CSMD1: variants seen among roughly 807,000 people sequenced by gnomAD.
CSMD1 encodes the protein CUB and sushi domain-containing protein 1.
CSMD1 carries 213 observed loss-of-function variants against 417.5 expected under a neutral mutation model. The ratio of observed to expected loss-of-function variants is 0.51; its 90% confidence interval spans 0.46 to 0.57. The LOEUF (loss-of-function observed/expected upper bound fraction) is 0.57, where lower values mean the gene tolerates loss of function less well. Among genes scored for constraint, CSMD1 ranks in the 20% least tolerant of loss-of-function variants. The probability of loss-of-function intolerance (pLI) is 0.00; values close to 1 mark genes in which losing one functional copy is unlikely to be tolerated. For missense variants in CSMD1, 6,923 were observed against 4,529.7 expected (o/e 1.53, Z -15.17); for synonymous variants, 2,862 against 1,736.8 (o/e 1.65, Z -16.11).
Position 3,796,303 on chromosome 8 carries a change from G to A in CSMD1, c.819-42261C>T, listed in dbSNP as rs543071676. On this transcript the variant is annotated intron_variant, in intron 5 of 69. Coordinates refer to ENST00000635120, the MANE Select transcript of CSMD1 (RefSeq NM_033225.6). ...TATCATGTATAGATATATCTATCAT[G>A]TATAGATATAGATATCTATCATGTA... Among the ~76,000 whole-genome samples, 165 of 83,416 alleles carry A rather than the reference G, an allele frequency of 2.0e-3. 34 individuals are homozygous for A. Among genetic ancestry groups the A allele is most frequent in the African/African-American group, 2.6e-3 (51 of 19,590 alleles). The allele number at this position is 83,416 out of a possible 152,430, so 54.7% of individuals were successfully genotyped here.
chr8:3,556,207 G>C (rs1799133469), intron 10 of CSMD1, among the ~76,000 whole-genome samples: 2 of 151,472 alleles, frequency 1.3e-5, no homozygotes, highest in South Asian at 4.2e-4. Flanking sequence ...GAAGACTTTT[G>C]TTTGTTACAG....
chr8:3,500,844 G>C (rs148867982), intron 10 of CSMD1, among the ~76,000 whole-genome samples: 4 of 152,324 alleles, frequency 2.6e-5, no homozygotes, highest in Admixed American at 6.5e-5. Flanking sequence ...AGCGGAGTAA[G>C]TGGTTCTGCA....
At chr8:4,145,193 C>T (rs1311849290) in intron 3 of CSMD1, among the ~76,000 whole-genome samples, 10 of 150,998 alleles carry the variant, frequency 6.6e-5, no homozygotes, top group South Asian at 2.1e-4. Context: ...AACACTAGTA[C>T]GTGTTTATAT....
At chr8:3,167,026 C>A (rs1217301167) in intron 37 of CSMD1, among the ~76,000 whole-genome samples, 1 of 152,140 alleles carries the variant, frequency 6.6e-6, no homozygotes, top group Non-Finnish European at 1.5e-5. Context: ...GTGGCTCACG[C>A]CTGTCATCCC....
chr8:4,373,844 C>T (rs559410108), intron 3 of CSMD1, among the ~76,000 whole-genome samples: 3 of 152,242 alleles, frequency 2.0e-5, no homozygotes, highest in African/African-American at 7.2e-5. Context: ...AGGAGCTTTT[C>T]TATGTATATG....
chr8:4,419,494 C>T (rs1184804430), intron 3 of CSMD1, among the ~76,000 whole-genome samples: 2 of 152,038 alleles, frequency 1.3e-5, no homozygotes, highest in Non-Finnish European at 2.9e-5. Context: ...CATGATCAAA[C>T]AACAGTAAAA....
chr8:4,170,462 T>G (rs190958316), intron 3 of CSMD1, among the ~76,000 whole-genome samples: 9 of 152,046 alleles, frequency 5.9e-5, no homozygotes, highest in Admixed American at 5.9e-4. Context: ...TCCTAATCTA[T>G]AGGTGCCTCT....
intron 5 of CSMD1, among the ~76,000 whole-genome samples, chr8:3,945,556 C>G (rs760412879): frequency 3.9e-5 from 6 of 151,994 alleles, no homozygotes; most frequent in Non-Finnish European, 7.4e-5. Flanking sequence ...TTTTGAGAGA[C>G]AAGTTTAAAA....
At chr8:4,604,381 T>TTTTGTGTGTGTGTG (rs1554522664) in intron 2 of CSMD1, among the ~76,000 whole-genome samples, 1 of 91,554 alleles carries the variant, frequency 1.1e-5, no homozygotes, top group African/African-American at 3.2e-5. Flanking sequence ...ACAAATAGCA[T>TTTTGTGTGTGTGTG]TGTGTGTGTG....
At chr8:3,578,354 G>T (rs909700405) in intron 9 of CSMD1, among the ~76,000 whole-genome samples, 1 of 152,062 alleles carries the variant, frequency 6.6e-6, no homozygotes, top group Non-Finnish European at 1.5e-5. Flanking sequence ...TGTTAGGGAT[G>T]CCTGCTGTCC....
chr8:3,110,913 C>T (rs921482786), intron 42 of CSMD1, among the ~76,000 whole-genome samples: 2 of 152,158 alleles, frequency 1.3e-5, no homozygotes, highest in African/African-American at 4.8e-5. Context: ...AGAACTAAAA[C>T]AATACCCAAT....
intron 2 of CSMD1, among the ~76,000 whole-genome samples, chr8:4,551,211 C>A (rs2130564181): frequency 6.6e-6 from 1 of 152,252 alleles, no homozygotes; most frequent in African/African-American, 2.4e-5. Context: ...GCTCCACCAA[C>A]CCTCCTGTAA....
intron 10 of CSMD1, among the ~76,000 whole-genome samples, chr8:3,523,796 C>A (rs986523841): frequency 4.0e-5 from 6 of 151,470 alleles, no homozygotes; most frequent in Non-Finnish European, 5.9e-5. Context: ...GACATATGCA[C>A]ACATGTGCAC....
intron 2 of CSMD1, among the ~76,000 whole-genome samples, chr8:4,427,392 C>G (rs754832318): frequency 3.9e-5 from 6 of 152,058 alleles, no homozygotes; most frequent in African/African-American, 4.8e-5. Flanking sequence ...TTTATCAACC[C>G]CTAGGTACCT....
intron 41 of CSMD1, among the ~76,000 whole-genome samples, chr8:3,138,624 G>A (rs1007893084): frequency 1.3e-5 from 2 of 152,166 alleles, no homozygotes; most frequent in African/African-American, 4.8e-5. Flanking sequence ...CATAGAAACA[G>A]TTCCGAATGA....
intron 12 of CSMD1, among the ~76,000 whole-genome samples, chr8:3,441,194 C>A (rs557146312): frequency 1.3e-5 from 2 of 151,990 alleles, no homozygotes; most frequent in Non-Finnish European, 2.9e-5. Context: ...TTTCTCTCCC[C>A]GGGAGATCTG....
intron 49 of CSMD1, among the ~76,000 whole-genome samples, chr8:3,066,817 C>G (rs1176506683): frequency 6.6e-6 from 1 of 152,144 alleles, no homozygotes; most frequent in East Asian, 1.9e-4. Context: ...AAGCTCATTT[C>G]TCCACAATTC....
intron 49 of CSMD1, among the ~76,000 whole-genome samples, chr8:3,072,353 G>A (rs917133722): frequency 3.3e-5 from 5 of 152,154 alleles, no homozygotes; most frequent in African/African-American, 1.2e-4. Context: ...CAACAATGAA[G>A]ATTTTAACAA....
intron 1 of CSMD1, among the ~76,000 whole-genome samples, chr8:4,938,991 T>G (rs60279821): frequency 0.06 from 9,130 of 152,082 alleles, 709 homozygotes; most frequent in African/African-American, 0.17. Context: ...ATCAGGTTAT[T>G]TGTTTTCTTT....
Sources: gnomAD v4.1 joint callset for allele counts (sites outside exome capture counted in the v4.1 genomes callset) on GRCh38, gnomAD v4.1.1 for gene constraint, MANE v1.5 for transcripts, NCBI Gene and HGNC (gene_info 2026-07-23, HGNC 2026-07-21) for gene names.